The following GRID1 variants were observed in gnomAD, a reference collection of about 807,000 sequenced individuals.
GRID1 encodes glutamate receptor ionotropic, delta-1.
GRID1 carries 28 observed loss-of-function variants against 98.0 expected under a neutral mutation model. The observed-to-expected ratio is 0.29, with a 90% CI of 0.21 to 0.39. The LOEUF is 0.39. GRID1 is among the 10% of genes least tolerant of loss of function. GRID1 has a pLI of 1.00. For missense variants in GRID1, 1,111 were observed against 1,340.5 expected, an observed-to-expected ratio of 0.83 and a Z score of 2.67; for synonymous variants, 553 against 538.5, an observed-to-expected ratio of 1.03 and a Z score of -0.37.
intron 4 of GRID1, among the ~76,000 whole-genome samples, chr10:86,028,953 C>T (rs555965818): frequency 6.6e-6 from 1 of 152,306 alleles, no homozygotes; most frequent in Admixed American, 6.5e-5. Flanking sequence ...TTAGCCCTTA[C>T]AGCAACCCTT....
intron 15 of GRID1, 85 bp downstream of exon 15, chr10:85,613,322 T>A: frequency 1.5e-6 from 2 of 1,368,948 alleles, no homozygotes; most frequent in Non-Finnish European, 2.0e-6. Flanking sequence ...AAATACTAAC[T>A]AGAAACAACC....
chr10:86,352,566 G>A (rs10887584), intron 2 of GRID1, among the ~76,000 whole-genome samples: 60,262 of 151,814 alleles, frequency 0.4, 12,649 homozygotes, highest in Admixed American at 0.52. Flanking sequence ...CAAGCTCTCC[G>A]GTGTCTCTTC....
chr10:85,608,107 C>T (rs1364343935), intron 15 of GRID1, among the ~76,000 whole-genome samples: 1 of 152,004 alleles, frequency 6.6e-6, no homozygotes, highest in Non-Finnish European at 1.5e-5. Flanking sequence ...TGCGCCACTA[C>T]ACCCAGCCCA....
Position 85,722,983 on chromosome 10 carries a change from T to C in GRID1, c.1997+20A>G, listed in dbSNP as rs556481829. 22 of 1,599,268 alleles carry C rather than the reference T, an allele frequency of 1.4e-5. 1 individual carries two copies. The South Asian group carries it at 2.4e-4, about 17-fold the overall frequency. ...GCCTCTCTGAGCTGCTGGCTCCAGA[T>C]CAAGGAGGAATAGGCTTACCTTATG... On this transcript the variant is annotated intron_variant, in intron 12 of 15. Coordinates refer to ENST00000327946, the MANE Select transcript of GRID1 (RefSeq NM_017551.3).
intron 13 of GRID1, among the ~76,000 whole-genome samples, chr10:85,630,219 C>A (rs865840659): frequency 1.4e-4 from 21 of 152,292 alleles, no homozygotes; most frequent in Admixed American, 4.6e-4. Context: ...TTGGCAAGAA[C>A]AAGGGTTTGG....
At chr10:86,167,713 G>A (rs61182133) in intron 3 of GRID1, among the ~76,000 whole-genome samples, 7,165 of 152,240 alleles carry the variant, frequency 0.047, 235 homozygotes, top group Admixed American at 0.11. Flanking sequence ...CTGCAGAGTC[G>A]GCCCTCCTCA....
intron 2 of GRID1, among the ~76,000 whole-genome samples, chr10:86,228,685 T>A (rs1235964472): frequency 6.6e-6 from 1 of 151,962 alleles, no homozygotes; most frequent in African/African-American, 2.4e-5. Context: ...AACAACAGTG[T>A]CCCAGGAGCT....
intron 12 of GRID1, chr10:85,709,255 A>G (rs145031020): frequency 7.6e-4 from 131 of 172,158 alleles, no homozygotes; most frequent in African/African-American, 3.0e-3. Flanking sequence ...CTAAAGTGCA[A>G]TAATGTTCTA....
intron 12 of GRID1, among the ~76,000 whole-genome samples, chr10:85,660,166 T>C (rs910461600): frequency 2.0e-5 from 3 of 152,364 alleles, no homozygotes; most frequent in East Asian, 3.9e-4. Context: ...ACAGAGACTA[T>C]CTGCTGCAGG....
At chr10:85,737,527 T>C (rs1368322961) in intron 8 of GRID1, among the ~76,000 whole-genome samples, 1 of 151,414 alleles carries the variant, frequency 6.6e-6, no homozygotes, top group Non-Finnish European at 1.5e-5. Context: ...ACTCCAATAA[T>C]GCCATCAGTG....
At chr10:86,358,651 G>A (rs549119958) in intron 2 of GRID1, among the ~76,000 whole-genome samples, 185 of 151,982 alleles carry the variant, frequency 1.2e-3, no homozygotes, top group African/African-American at 1.5e-3. Flanking sequence ...CCAGCTACTC[G>A]GGAGGCTGAG....
intron 8 of GRID1, among the ~76,000 whole-genome samples, chr10:85,812,778 T>G (rs1842683892): frequency 6.6e-6 from 1 of 151,798 alleles, no homozygotes; most frequent in African/African-American, 2.4e-5. Context: ...TCTCTTTCAC[T>G]ACATATTTGT....
At chr10:86,119,643 C>T (rs1010681887) in intron 4 of GRID1, among the ~76,000 whole-genome samples, 8 of 152,152 alleles carry the variant, frequency 5.3e-5, no homozygotes, top group South Asian at 2.1e-4. Flanking sequence ...GTTATGTTGA[C>T]GCTCACCCAA....
intron 2 of GRID1, among the ~76,000 whole-genome samples, chr10:86,279,466 G>T (rs2132066881): frequency 6.6e-6 from 1 of 152,258 alleles, no homozygotes; most frequent in South Asian, 2.1e-4. Context: ...CTTAACATTT[G>T]CAATCAAATC....
At chr10:86,121,798 C>A (rs1844681567) in intron 4 of GRID1, among the ~76,000 whole-genome samples, 1 of 152,182 alleles carries the variant, frequency 6.6e-6, no homozygotes, top group Admixed American at 6.5e-5. Context: ...TATAAGAAAA[C>A]AAAGGTTTGG....
chr10:85,956,626 T>C (rs1465365647), intron 4 of GRID1, among the ~76,000 whole-genome samples: 3 of 152,202 alleles, frequency 2.0e-5, no homozygotes, highest in African/African-American at 7.2e-5. Context: ...CATTCAGTGG[T>C]AGCACAAGGA....
rs533477933 is a variant in GRID1, at chr10:86,250,751, G to A, written c.236-44103C>T. Among the ~76,000 whole-genome samples the A allele has an allele frequency of 4.1e-4, 62 of 151,162 alleles. No individual in the cohort carries two copies. In the Middle Eastern group the frequency reaches 0.01, roughly 25 times the overall value. ...GGGGGGCGCCTCTGCCCAGCCACCCGGTCTGGGAAGTGGGGAGCCCCTCTG... is the reference window on the plus strand; with the variant it reads ...GGGGGGCGCCTCTGCCCAGCCACCCAGTCTGGGAAGTGGGGAGCCCCTCTG... On this transcript the variant is annotated intron_variant, in intron 2 of 15. Coordinates refer to ENST00000327946, the MANE Select transcript of GRID1 (RefSeq NM_017551.3).
intron 3 of GRID1, among the ~76,000 whole-genome samples, chr10:86,203,433 A>G (rs546647801): frequency 6.6e-6 from 1 of 152,064 alleles, no homozygotes; most frequent in East Asian, 1.9e-4. Context: ...AACAGCAGAT[A>G]GGCTGAGCTG....
intron 8 of GRID1, among the ~76,000 whole-genome samples, chr10:85,829,380 A>C (rs894982408): frequency 6.6e-6 from 1 of 152,198 alleles, no homozygotes; most frequent in African/African-American, 2.4e-5. Flanking sequence ...CATTCCGCTG[A>C]GAACCAAAAC....
Sources: allele counts gnomAD v4.1 joint callset (sites outside exome capture counted in the v4.1 genomes callset), GRCh38; gene constraint gnomAD v4.1.1; transcripts MANE v1.5; gene names NCBI Gene and HGNC (gene_info 2026-07-23, HGNC 2026-07-21).